Variants in MAF observed in about 807,000 individuals in gnomAD.
MAF encodes MAF bZIP transcription factor, also known as transcription factor Maf.
Under a neutral mutation model 22.0 loss-of-function variants are expected in MAF, and 10 were observed. The ratio of observed to expected loss-of-function variants is 0.45; its 90% confidence interval spans 0.28 to 0.77. The LOEUF is 0.77. MAF is among the 30% of genes least tolerant of loss of function. The pLI is 0.12. For synonymous variants in MAF, 337 were observed against 255.8 expected (o/e 1.32, Z -3.03); for missense variants, 544 against 548.4 (o/e 0.99, Z 0.08).
the MAF span, among the ~76,000 whole-genome samples, chr16:79,267,326 G>C: frequency 6.6e-6 from 1 of 152,192 alleles, no homozygotes; most frequent in African/African-American, 2.4e-5. Flanking sequence ...CCTGGAAGTG[G>C]TTCACGTGGT....
At chr16:79,306,502 T>G in the MAF span, among the ~76,000 whole-genome samples, 1 of 151,954 alleles carries the variant, frequency 6.6e-6, no homozygotes, top group East Asian at 1.9e-4. Context: ...GGAAGAGAGG[T>G]TGGTGGCTTA....
At chr16:79,400,446 C>T in the MAF span, among the ~76,000 whole-genome samples, 13 of 152,350 alleles carry the variant, frequency 8.5e-5, no homozygotes, top group South Asian at 2.1e-4. Flanking sequence ...TAGTAAACTA[C>T]GCCCTGTTGT....
At chr16:79,284,981 T>C in the MAF span, among the ~76,000 whole-genome samples, 1 of 152,168 alleles carries the variant, frequency 6.6e-6, no homozygotes, top group Non-Finnish European at 1.5e-5. Flanking sequence ...ATGGTAAAAA[T>C]AGAAACGTAC....
the MAF span, among the ~76,000 whole-genome samples, chr16:79,442,874 G>C: frequency 6.6e-6 from 1 of 152,180 alleles, no homozygotes. Flanking sequence ...ATCTAGTCCT[G>C]GCTGTAATGG....
At chr16:79,581,533 G>A (rs1326271015), downstream of MAF, among the ~76,000 whole-genome samples, 1 of 152,208 alleles carries the variant, frequency 6.6e-6, no homozygotes, top group Admixed American at 6.5e-5. Flanking sequence ...TTTAAAGGAA[G>A]AGCGACCTCA....
chr16:79,520,478 T>C, the MAF span, among the ~76,000 whole-genome samples: 1 of 152,084 alleles, frequency 6.6e-6, no homozygotes, highest in African/African-American at 2.4e-5. Context: ...TCTCTCTGTG[T>C]GTGTGTGCGT....
chr16:79,246,036 A>G, the MAF span, among the ~76,000 whole-genome samples: 32 of 152,090 alleles, frequency 2.1e-4, no homozygotes, highest in Non-Finnish European at 3.7e-4. Context: ...GGAGGGGAAC[A>G]TCATATACCA....
At chr16:79,431,460 A>G in the MAF span, among the ~76,000 whole-genome samples, 1 of 152,192 alleles carries the variant, frequency 6.6e-6, no homozygotes, top group Non-Finnish European at 1.5e-5. Flanking sequence ...CCGTACATAC[A>G]TACACTGTGC....
the MAF span, among the ~76,000 whole-genome samples, chr16:79,261,373 G>C: frequency 1.3e-5 from 2 of 152,036 alleles, no homozygotes; most frequent in Non-Finnish European, 2.9e-5. Context: ...GGCTGGTCTT[G>C]AACTCACAAC....
chr16:79,436,301 T>G, the MAF span, among the ~76,000 whole-genome samples: 12 of 152,214 alleles, frequency 7.9e-5, no homozygotes, highest in Admixed American at 6.5e-4. Context: ...CAGACTGGTC[T>G]TGAACTCCTG....
At chr16:79,508,876 G>A in the MAF span, among the ~76,000 whole-genome samples, 5 of 152,120 alleles carry the variant, frequency 3.3e-5, no homozygotes, top group South Asian at 2.1e-4. Context: ...GGAATGGGGC[G>A]TGACTCTTAA....
Position 79,594,090 on chromosome 16 carries a change from G to A in MAF, c.*370C>T. 3.6e-6 allele frequency: 1 copy of A among 278,862 alleles called. No individual in the cohort carries two copies. The highest frequency in any genetic ancestry group is 2.1e-5 in the African/African-American group (1 of 46,540). The allele number at this position is 278,862 out of a possible 1,614,324, so 17.3% of individuals were successfully genotyped here. On this transcript the variant is annotated 3_prime_UTR_variant, in exon 2 of 2. Transcript: ENST00000326043. The stretch of plus-strand genomic sequence containing the variant: ...CATGAAAAAGTACTATTTAGAATGT[G>A]CATGCCTATATATGATTTTAAAATG...
chr16:79,468,781 C>A, the MAF span, among the ~76,000 whole-genome samples: 2 of 152,108 alleles, frequency 1.3e-5, no homozygotes, highest in Non-Finnish European at 2.9e-5. Flanking sequence ...GAAAAGAAAC[C>A]AGAGAAGCCA....
the MAF span, among the ~76,000 whole-genome samples, chr16:79,565,232 C>A: frequency 6.6e-6 from 1 of 152,250 alleles, no homozygotes; most frequent in Middle Eastern, 3.4e-3. Context: ...GGCCCAATTA[C>A]CTGTTTTTGT....
the MAF span, among the ~76,000 whole-genome samples, chr16:79,533,212 C>T: frequency 6.6e-6 from 1 of 152,170 alleles, no homozygotes; most frequent in Non-Finnish European, 1.5e-5. Context: ...TTCTTATCAA[C>T]ATAAGAGTTG....
the MAF span, among the ~76,000 whole-genome samples, chr16:79,255,743 G>C: frequency 6.6e-6 from 1 of 152,146 alleles, no homozygotes; most frequent in Non-Finnish European, 1.5e-5. Flanking sequence ...AGCTCATCAA[G>C]ACTGTCACTG....
chr16:79,289,867 T>TTTTTTTTTTTTTTTTTTTTTTTTTTTTTC, the MAF span, among the ~76,000 whole-genome samples: 1 of 118,510 alleles, frequency 8.4e-6, no homozygotes, highest in African/African-American at 3.2e-5. Flanking sequence ...TTTTTTTTTT[T>TTTTTTTTTTTTTTTTTTTTTTTTTTTTTC]TGTGAGACGG....
At chr16:79,208,393 A>G in the MAF span, among the ~76,000 whole-genome samples, 1 of 150,334 alleles carries the variant, frequency 6.7e-6, no homozygotes, top group African/African-American at 2.5e-5. Context: ...AAAAAAAAAA[A>G]TCGTTTAGGG....
At chr16:79,438,522 C>T in the MAF span, among the ~76,000 whole-genome samples, 1 of 152,154 alleles carries the variant, frequency 6.6e-6, no homozygotes, top group Non-Finnish European at 1.5e-5. Context: ...TTGCTGGGTA[C>T]TTATTTTGCG....
Sources: allele counts gnomAD v4.1 joint callset (sites outside exome capture counted in the v4.1 genomes callset), GRCh38; gene constraint gnomAD v4.1.1; transcripts MANE v1.5; gene names NCBI Gene and HGNC (gene_info 2026-07-23, HGNC 2026-07-21).